Variants in ATP11A observed in about 807,000 individuals in gnomAD.
ATP11A encodes ATPase phospholipid transporting 11A.
A neutral mutation model predicts 154.4 loss-of-function variants in ATP11A; 81 were observed. The ratio of observed to expected loss-of-function variants is 0.52; its 90% CI spans 0.44 to 0.63. The LOEUF (loss-of-function observed/expected upper bound fraction) is 0.63. Ranked by LOEUF, ATP11A falls within the 30% of genes least tolerant of loss-of-function variation. ATP11A has a pLI of 0.00. For synonymous variants in ATP11A, 623 were observed against 585.9 expected, an observed-to-expected ratio of 1.06 and a Z score of -0.91; for missense variants, 1,316 against 1,474.3, an observed-to-expected ratio of 0.89 and a Z score of 1.76.
chr13:112,852,546 C>T (rs2079796596), intron 18 of ATP11A, among the ~76,000 whole-genome samples: 1 of 152,200 alleles, frequency 6.6e-6, no homozygotes, highest in African/African-American at 2.4e-5. Flanking sequence ...GGCTTTGCTG[C>T]TGGGGGCTGC....
At chr13:112,695,666 TGTGTTGAATCC>T (rs1885722782) in intron 1 of ATP11A, among the ~76,000 whole-genome samples, 1 of 152,254 alleles carries the variant, frequency 6.6e-6, no homozygotes, top group Non-Finnish European at 1.5e-5. Flanking sequence ...TAGTTAAAAC[TGTGTTGAATCC>T]ATGAATAAAA....
chr13:112,788,595 C>T (rs1378842022), intron 2 of ATP11A, among the ~76,000 whole-genome samples: 3 of 149,706 alleles, frequency 2.0e-5, no homozygotes. Flanking sequence ...ATGTGTAGAC[C>T]CCTGCGGAGA....
intron 1 of ATP11A, among the ~76,000 whole-genome samples, chr13:112,780,654 T>C (rs2077475601): frequency 6.6e-6 from 1 of 152,206 alleles, no homozygotes; most frequent in Admixed American, 6.5e-5. Context: ...GTTTGTGTCC[T>C]ATGGTCAGTC....
chr13:112,836,674 T>C (rs368386665), intron 16 of ATP11A, among the ~76,000 whole-genome samples: 4 of 152,366 alleles, frequency 2.6e-5, no homozygotes, highest in African/African-American at 7.2e-5. Flanking sequence ...TCTATAATAA[T>C]GTTCAAAGTT....
rs546993460 is a variant in ATP11A at position 112,785,311 on chromosome 13, G to A, written c.162+54G>A. On this transcript the variant is annotated intron_variant, in intron 2 of 29. Transcript: ENST00000375645. This position sits in a 1 kb window ranked among gnomAD's most constrained non-coding sequence, Gnocchi z 4.8. Reference sequence around the variant, plus strand: ...AATGTGTCTAAAAAGCAGCTGCCGGGGGGTGTTAGTGCTTCTCGGTTTCAA... The same window carrying A: ...AATGTGTCTAAAAAGCAGCTGCCGGAGGGTGTTAGTGCTTCTCGGTTTCAA... 1.9e-4 allele frequency: 255 copies of A among 1,378,178 alleles called. No homozygotes were observed. The highest frequency in any genetic ancestry group is 2.3e-4 in the Non-Finnish European group (242 of 1,055,390). 85.4% of individuals were successfully genotyped at this position (1,378,178 alleles called of 1,614,324 possible). A position where few individuals can be genotyped will look rare whatever the true frequency, so the allele number is the denominator to read the frequency against.
At chr13:112,734,903 A>G (rs977862323) in intron 1 of ATP11A, among the ~76,000 whole-genome samples, 1 of 152,176 alleles carries the variant, frequency 6.6e-6, no homozygotes, top group South Asian at 2.1e-4. Context: ...CGGTAGGACC[A>G]TGAATACCGA....
chr13:112,741,733 G>T (rs200098644), intron 1 of ATP11A, among the ~76,000 whole-genome samples: 1 of 152,176 alleles, frequency 6.6e-6, no homozygotes, highest in Non-Finnish European at 1.5e-5. Flanking sequence ...GGCTGTTTTT[G>T]TTTGTGGCTC....
intron 14 of ATP11A, among the ~76,000 whole-genome samples, chr13:112,833,968 G>A (rs571878007): frequency 1.6e-4 from 25 of 152,296 alleles, no homozygotes; most frequent in South Asian, 1.5e-3. Flanking sequence ...CCCTGGTGCC[G>A]CGAAGCACGT....
rs1188515546 is a variant in ATP11A at position 112,855,460 on chromosome 13, G to T, written c.2244-451G>T. On this transcript the variant is annotated intron_variant, in intron 19 of 29. Coordinates refer to ENST00000375645, the MANE Select transcript of ATP11A (RefSeq NM_015205.3). The stretch of plus-strand genomic sequence containing the variant: ...CCCAAAGTGCTGGGATTACAGGTGT[G>T]AGCCACCGCATCCAGCCTTCTTGTC... 2.0e-5 allele frequency among the ~76,000 whole-genome samples: 3 copies of T among 152,340 alleles called. No individual in the cohort carries two copies. The East Asian group carries it at 5.8e-4, about 29-fold the overall frequency.
At chr13:112,845,931 G>C (rs1189206943) in intron 17 of ATP11A, among the ~76,000 whole-genome samples, 1 of 152,218 alleles carries the variant, frequency 6.6e-6, no homozygotes, top group Non-Finnish European at 1.5e-5. Context: ...CCAGTTTCTT[G>C]ATTCTTCCGC....
chr13:112,791,488 A>G (rs1052565296), intron 2 of ATP11A, among the ~76,000 whole-genome samples: 1 of 152,204 alleles, frequency 6.6e-6, no homozygotes, highest in African/African-American at 2.4e-5. Context: ...TGATCCAGGC[A>G]TTGGAGGAGG....
chr13:112,842,910 C>A (rs185583553), intron 17 of ATP11A, among the ~76,000 whole-genome samples: 1 of 152,260 alleles, frequency 6.6e-6, no homozygotes, highest in African/African-American at 2.4e-5. Context: ...TCCGTGGGTC[C>A]GGCTTTCTGT....
chr13:112,729,605 T>TC (rs1337274169), intron 1 of ATP11A, among the ~76,000 whole-genome samples: 2 of 151,918 alleles, frequency 1.3e-5, no homozygotes, highest in African/African-American at 4.8e-5. Context: ...GGCAGCACAG[T>TC]CCCCCCACCT....
chr13:112,708,577 C>T (rs989106398), intron 1 of ATP11A, among the ~76,000 whole-genome samples: 4 of 152,206 alleles, frequency 2.6e-5, no homozygotes, highest in Admixed American at 1.3e-4. Context: ...CCTTAGCACC[C>T]TCACTCACAA....
At chr13:112,729,660 G>A (rs1890281014) in intron 1 of ATP11A, among the ~76,000 whole-genome samples, 1 of 152,250 alleles carries the variant, frequency 6.6e-6, no homozygotes, top group Non-Finnish European at 1.5e-5. Flanking sequence ...AGTGTGAACA[G>A]CGTCAGAAGG....
chr13:112,826,468 G>A (rs1001408022), intron 11 of ATP11A, among the ~76,000 whole-genome samples: 3 of 152,204 alleles, frequency 2.0e-5, no homozygotes, highest in Admixed American at 2.0e-4. Context: ...CTTGCTGGCA[G>A]GACAGCCCCA....
At chr13:112,812,104 C>T (rs926498251) in intron 5 of ATP11A, 4 of 152,170 alleles carry the variant, frequency 2.6e-5, no homozygotes, top group Non-Finnish European at 4.4e-5. Context: ...AATGAATTAT[C>T]TGTGTAACTA....
At chr13:112,736,365 C>T (rs2139721503) in intron 1 of ATP11A, among the ~76,000 whole-genome samples, 1 of 152,308 alleles carries the variant, frequency 6.6e-6, no homozygotes, top group Non-Finnish European at 1.5e-5. Flanking sequence ...GGAACACACA[C>T]AAAAAATCAG....
intron 1 of ATP11A, among the ~76,000 whole-genome samples, chr13:112,723,848 T>G (rs933750775): frequency 6.6e-6 from 1 of 152,106 alleles, no homozygotes; most frequent in Admixed American, 6.6e-5. Context: ...TCCCAAAGTG[T>G]GCATATCTGG....
Sources: allele counts gnomAD v4.1 joint callset (sites outside exome capture counted in the v4.1 genomes callset), GRCh38; gene constraint gnomAD v4.1.1; non-coding constraint Gnocchi (gnomAD v3.1); transcripts MANE v1.5; gene names NCBI Gene and HGNC (gene_info 2026-07-23, HGNC 2026-07-21).